The following BCKDHB variants were observed in gnomAD, a reference collection of about 807,000 sequenced individuals.
The protein encoded by BCKDHB is 2-oxoisovalerate dehydrogenase subunit beta, mitochondrial.
A neutral mutation model predicts 48.5 loss-of-function variants in BCKDHB; 41 were observed. The ratio of observed to expected loss-of-function variants is 0.85; its 90% CI spans 0.66 to 1.10. The LOEUF is 1.10. Among genes scored for constraint, BCKDHB ranks in the 50% least tolerant of loss-of-function variants. The probability of loss-of-function intolerance (pLI) is 0.00; values close to 1 mark genes in which losing one functional copy is unlikely to be tolerated. For synonymous variants in BCKDHB, 201 were observed against 174.8 expected (o/e 1.15, Z -1.18); for missense variants, 496 against 494.2 (o/e 1.00, Z -0.03).
chr6:80,135,750 A>T (rs1409501508), intron 3 of BCKDHB: 1 of 152,172 alleles, frequency 6.6e-6, no homozygotes, highest in Admixed American at 6.5e-5. Flanking sequence ...TTGTGGTGCA[A>T]TTATTACCAC....
intron 8 of BCKDHB, among the ~76,000 whole-genome samples, chr6:80,254,910 A>T (rs1238057535): frequency 6.6e-6 from 1 of 151,932 alleles, no homozygotes; most frequent in Non-Finnish European, 1.5e-5. Context: ...AGCCAGATAG[A>T]CAGACAGACA....
intron 8 of BCKDHB, among the ~76,000 whole-genome samples, chr6:80,236,297 G>A (rs912643495): frequency 3.2e-4 from 49 of 152,076 alleles, no homozygotes; most frequent in African/African-American, 1.1e-3. Context: ...TTGAAGGCAG[G>A]GCTGTTTTAT....
At chr6:80,416,834 C>A in the BCKDHB span, among the ~76,000 whole-genome samples, 1 of 149,800 alleles carries the variant, frequency 6.7e-6, no homozygotes, top group African/African-American at 2.4e-5. Flanking sequence ...TTTTTATTTG[C>A]TTTTTTTGTT....
chr6:80,334,252 T>A (rs1769457859), intron 9 of BCKDHB, among the ~76,000 whole-genome samples: 3 of 152,142 alleles, frequency 2.0e-5, no homozygotes, highest in Non-Finnish European at 4.4e-5. Flanking sequence ...TAATTACAAT[T>A]GCTAGATGTG....
At chr6:80,412,248 A>T in the BCKDHB span, among the ~76,000 whole-genome samples, 2 of 149,750 alleles carry the variant, frequency 1.3e-5, no homozygotes, top group African/African-American at 2.5e-5. Context: ...GGTTCAAGTG[A>T]TTCTGCTGCC....
At chr6:80,424,724 A>G in the BCKDHB span, among the ~76,000 whole-genome samples, 5 of 152,178 alleles carry the variant, frequency 3.3e-5, no homozygotes, top group African/African-American at 2.4e-5. Context: ...ATATTGCAAC[A>G]TGGTCTCCTG....
intron 9 of BCKDHB, among the ~76,000 whole-genome samples, chr6:80,280,659 C>A (rs1778158448): frequency 6.6e-6 from 1 of 152,116 alleles, no homozygotes; most frequent in African/African-American, 2.4e-5. Context: ...AAATATATAT[C>A]ATCTAGGTTT....
At chr6:80,141,022 T>G (rs1771177920) in intron 3 of BCKDHB, among the ~76,000 whole-genome samples, 1 of 152,172 alleles carries the variant, frequency 6.6e-6, no homozygotes, top group African/African-American at 2.4e-5. Context: ...TTCTTCCTGG[T>G]TTAGTCTTGG....
At chr6:80,390,918 A>C in the BCKDHB span, among the ~76,000 whole-genome samples, 1 of 152,180 alleles carries the variant, frequency 6.6e-6, no homozygotes, top group African/African-American at 2.4e-5. Context: ...GGCGCCATCC[A>C]ATCAGCTGGC....
intron 8 of BCKDHB, among the ~76,000 whole-genome samples, chr6:80,229,254 G>A (rs1181953027): frequency 6.6e-6 from 1 of 152,118 alleles, no homozygotes; most frequent in African/African-American, 2.4e-5. Flanking sequence ...ATTTTATGAA[G>A]AAAAATGAAG....
intron 8 of BCKDHB, among the ~76,000 whole-genome samples, chr6:80,216,528 C>T (rs186403019): frequency 4.9e-4 from 74 of 152,198 alleles, no homozygotes; most frequent in Middle Eastern, 3.4e-3. Flanking sequence ...CACATCCCAC[C>T]TGATGTGTTT....
chr6:80,291,074 C>G (rs904843035), intron 9 of BCKDHB, among the ~76,000 whole-genome samples: 1 of 152,184 alleles, frequency 6.6e-6, no homozygotes, highest in Non-Finnish European at 1.5e-5. Flanking sequence ...GTGCCAACCT[C>G]CTATCTCATC....
the BCKDHB span, among the ~76,000 whole-genome samples, chr6:80,397,130 T>A: frequency 6.6e-6 from 1 of 152,202 alleles, no homozygotes; most frequent in South Asian, 2.1e-4. Flanking sequence ...GAGTTTTTTG[T>A]CAGATAGGGG....
chr6:80,286,530 C>T (rs1254936120), intron 9 of BCKDHB, among the ~76,000 whole-genome samples: 1 of 152,172 alleles, frequency 6.6e-6, no homozygotes, highest in Non-Finnish European at 1.5e-5. Context: ...AGAGGCTTGG[C>T]TCACTGACTA....
At chr6:80,232,962 A>G (rs1326649468) in intron 8 of BCKDHB, among the ~76,000 whole-genome samples, 4 of 152,042 alleles carry the variant, frequency 2.6e-5, no homozygotes, top group East Asian at 3.8e-4. Context: ...AATATGTAGG[A>G]ATATCATGAG....
At position 80,201,009 on chromosome 6, in the gene BCKDHB, C is replaced by G. The variant is rs769886312; in HGVS notation, c.818C>G (p.Thr273Ser). Reference sequence around the variant, plus strand: ...GTCATACAGGAAGGGAGTGATGTTACTCTAGTTGCCTGGGGCACTCAGGTG... The same window carrying G: ...GTCATACAGGAAGGGAGTGATGTTAGTCTAGTTGCCTGGGGCACTCAGGTG... ...AEVIQEGSDV[T>S]LVAWGTQVHV... The change falls in exon 7 of 10, where the codon ACT becomes AGT. Residue 273 changes from threonine to serine, a missense_variant. By Grantham distance (58) the Thr-to-Ser change is moderately conservative. Coordinates refer to ENST00000320393, the MANE Select transcript of BCKDHB (RefSeq NM_183050.4). 6.2e-7 allele frequency: 1 copy of G among 1,611,982 alleles called. No homozygotes were observed. The highest frequency in any genetic ancestry group is 1.1e-5 in the South Asian group (1 of 91,056).
rs140046404 is a variant in BCKDHB at position 80,186,003 on chromosome 6, G to A, written c.742+14613G>A. On this transcript the variant is annotated intron_variant, in intron 6 of 9. Coordinates refer to ENST00000320393, the MANE Select transcript of BCKDHB (RefSeq NM_183050.4). ...GCTGTTTTCTCCTTTTTTGGAGCAG[G>A]GTTATTCTGTTATGTCTTGAGTTGG... 1.7e-3 allele frequency among the ~76,000 whole-genome samples: 261 copies of A among 152,218 alleles called. 1 individual carries two copies. Among genetic ancestry groups the A allele is most frequent in the African/African-American group, 6.0e-3 (251 of 41,548 alleles).
chr6:80,240,507 A>C (rs1361967696), intron 8 of BCKDHB, among the ~76,000 whole-genome samples: 12 of 152,110 alleles, frequency 7.9e-5, no homozygotes, highest in African/African-American at 2.4e-4. Flanking sequence ...TGATTTTTGC[A>C]CATTGATTTT....
At chr6:80,107,502 T>C (rs12213522) in intron 1 of BCKDHB, among the ~76,000 whole-genome samples, 27 of 82,984 alleles carry the variant, frequency 3.3e-4, no homozygotes, top group East Asian at 1.9e-3. Flanking sequence ...TATATATGCA[T>C]ATATATGTGC....
Sources: gnomAD v4.1 joint callset for allele counts (sites outside exome capture counted in the v4.1 genomes callset) on GRCh38, gnomAD v4.1.1 for gene constraint, MANE v1.5 for transcripts, NCBI Gene and HGNC (gene_info 2026-07-23, HGNC 2026-07-21) for gene names.